Variants in SNX19 observed in about 807,000 individuals in gnomAD.
SNX19 encodes sorting nexin-19.
Under a neutral mutation model 85.2 loss-of-function variants are expected in SNX19, and 60 were observed. The ratio of observed to expected loss-of-function variants is 0.70; its 90% CI spans 0.57 to 0.87. The LOEUF (loss-of-function observed/expected upper bound fraction) is 0.87, where lower values mean the gene tolerates loss of function less well. Ranked by LOEUF, SNX19 falls within the 40% of genes least tolerant of loss-of-function variation. The pLI is 0.00. For missense variants in SNX19, 1,201 were observed against 1,217.8 expected (o/e 0.99, Z 0.21); for synonymous variants, 520 against 470.0 (o/e 1.11, Z -1.38).
At chr11:130,887,535 A>G (rs904910323) in intron 8 of SNX19, among the ~76,000 whole-genome samples, 13 of 152,170 alleles carry the variant, frequency 8.5e-5, no homozygotes, top group African/African-American at 3.1e-4. Context: ...CTGCTACCCA[A>G]TTAGCAATGT....
chr11:130,910,021 G>A lies in SNX19; in HGVS notation c.2031C>T (p.Asp677=). 3.1e-6 allele frequency: 5 copies of A among 1,613,116 alleles called. No individual in the cohort carries two copies. Among genetic ancestry groups the A allele is most frequent in the Non-Finnish European group, 4.2e-6 (5 of 1,180,020 alleles). Residue 677 remains aspartate, a synonymous_variant, in exon 4 of 11, where the codon GAC becomes GAT. Coordinates refer to ENST00000265909, the MANE Select transcript of SNX19 (RefSeq NM_014758.3). The part of the protein sequence containing the change: ...VKKPFMVSRI[D]KMVVSAIVDT... The stretch of plus-strand genomic sequence containing the variant: ...AGCACAGTGGCCCTGCTGGTACCTT[G>A]TCTATTCTAGAGACCATAAATGGTT...
At chr11:130,911,825 A>T (rs892909835) in intron 1 of SNX19, 54 bp from the exon 2 acceptor site, 11 of 1,584,054 alleles carry the variant, frequency 6.9e-6, no homozygotes, top group Non-Finnish European at 9.5e-6. Flanking sequence ...GCAATCTTCT[A>T]TTCTGGCTTT....
intron 4 of SNX19, among the ~76,000 whole-genome samples, chr11:130,908,525 T>G (rs1190697627): frequency 6.6e-6 from 1 of 152,088 alleles, no homozygotes; most frequent in African/African-American, 2.4e-5. Context: ...TGATCAAAAA[T>G]AAAAATAACA....
In SNX19 at chr11:130,915,876, T is replaced by A. The variant is rs753568147; in HGVS notation, c.64A>T (p.Asn22Tyr). The A allele has an allele frequency of 6.2e-7, 1 of 1,614,196 alleles. No individual in the cohort carries two copies. Among genetic ancestry groups the A allele is most frequent in the Non-Finnish European group, 8.5e-7 (1 of 1,180,024 alleles). The change falls in exon 1 of 11, where the codon AAC becomes TAC. Residue 22 changes from asparagine to tyrosine, a missense_variant. Asn to Tyr is a moderately radical substitution (Grantham distance 143, BLOSUM62 -2). Coordinates refer to ENST00000265909, the MANE Select transcript of SNX19 (RefSeq NM_014758.3). ...TPAGSSCHLNNLLSSRKLMAV... is the reference protein window; with the variant it reads ...TPAGSSCHLNYLLSSRKLMAV... ...ATCAGCTTCCGGCTACTCAACAGGT[T>A]ATTGAGGTGACAGCTCGATCCAGCT...
At chr11:130,886,089 T>C (rs1045174068) in intron 8 of SNX19, among the ~76,000 whole-genome samples, 2 of 152,208 alleles carry the variant, frequency 1.3e-5, no homozygotes, top group Admixed American at 6.5e-5. Context: ...CAGTTGAGAA[T>C]TACTGCCTTA....
In SNX19 at chr11:130,877,109, G is replaced by A. The variant is rs1175749798; in HGVS notation, c.*1313C>T. 1 of 152,248 alleles carries A rather than the reference G, an allele frequency of 6.6e-6. No individual in the cohort carries two copies. Among genetic ancestry groups the A allele is most frequent in the Non-Finnish European group, 1.5e-5 (1 of 68,046 alleles). The allele number at this position is 152,248 out of a possible 1,614,324, so 9.4% of individuals were successfully genotyped here. A position where few individuals can be genotyped will look rare whatever the true frequency, so the allele number is the denominator to read the frequency against. On this transcript the variant is annotated 3_prime_UTR_variant, in exon 11 of 11. Coordinates refer to ENST00000265909, the MANE Select transcript of SNX19 (RefSeq NM_014758.3). The stretch of plus-strand genomic sequence containing the variant: ...CTCCAAGACCTTCCTCCGAGTGGTA[G>A]GCTCTGGTAATTCAGCGAAAGCAAG...
chr11:130,891,655 G>A (rs1944503849), intron 8 of SNX19, among the ~76,000 whole-genome samples: 1 of 152,094 alleles, frequency 6.6e-6, no homozygotes, highest in African/African-American at 2.4e-5. Flanking sequence ...AAGAGAGGAA[G>A]GTAGCAGAAT....
chr11:130,895,067 G>T (rs1944783621), intron 8 of SNX19: 2 of 985,428 alleles, frequency 2.0e-6, no homozygotes, highest in Non-Finnish European at 2.4e-6. Flanking sequence ...AAGAGGTGGA[G>T]AAAGTACAAC....
At position 130,915,098 on chromosome 11, in the gene SNX19, G is replaced by A. The variant is rs431825173; in HGVS notation, c.842C>T (p.Ala281Val). Residue 281 changes from alanine (A) to valine (V), a missense_variant, in exon 1 of 11, where the codon GCC (alanine) becomes GTC (valine). Transcript: ENST00000265909. ...ARDPAPCPAS[A>V]PEQPSVPTSL... ...TGTCGGCACTGAGGGCTGTTCGGGGGCACTGGCTGGGCAGGGTGCTGGATC... is the reference window on the plus strand; with the variant it reads ...TGTCGGCACTGAGGGCTGTTCGGGGACACTGGCTGGGCAGGGTGCTGGATC... 121 of 1,613,892 alleles carry A rather than the reference G, an allele frequency of 7.5e-5. No individual in the cohort carries two copies. The East Asian group carries it at 2.7e-3, about 35-fold the overall frequency.
At chr11:130,882,064 A>C (rs913440865) in intron 8 of SNX19, among the ~76,000 whole-genome samples, 2 of 152,182 alleles carry the variant, frequency 1.3e-5, no homozygotes, top group African/African-American at 4.8e-5. Flanking sequence ...ATGAGTCAAA[A>C]ATGAGGGGGA....
intron 9 of SNX19, 116 bp from the exon 10 acceptor site, chr11:130,879,827 C>A: frequency 1.3e-6 from 1 of 782,830 alleles, no homozygotes; most frequent in Non-Finnish European, 2.1e-6. Flanking sequence ...TTCAGGCCTA[C>A]CTCTAAACCA....
chr11:130,915,584 C>T lies in SNX19; in HGVS notation c.356G>A (p.Arg119His), dbSNP rs780350420. The T allele has an allele frequency of 4.3e-6, 7 of 1,614,212 alleles. No individual in the cohort carries two copies. Among genetic ancestry groups the T allele is most frequent in the East Asian group, 2.2e-5 (1 of 44,878 alleles). Residue 119 changes from arginine to histidine, a missense_variant, in exon 1 of 11, where the codon CGT (arginine) becomes CAT (histidine). By Grantham distance (29) the Arg-to-His change is conservative (BLOSUM62 0). This residue lies in a region of SNX19 where 791 missense variants were observed against 750.9 expected (regional missense o/e 1.05). Coordinates refer to ENST00000265909, the MANE Select transcript of SNX19 (RefSeq NM_014758.3). ...IIRDFVLSWYRSVSQEPAFEE... is the reference protein window; with the variant it reads ...IIRDFVLSWYHSVSQEPAFEE... ...AAAGGCTGGCTCCTGGCTCACGGAA[C>T]GGTACCAAGATAACACAAAATCTCG...
At chr11:130,896,257 C>G (rs189644349) in intron 8 of SNX19, among the ~76,000 whole-genome samples, 1 of 152,246 alleles carries the variant, frequency 6.6e-6, no homozygotes, top group East Asian at 1.9e-4. Context: ...AAAAGTTACA[C>G]AGCAAAGGAA....
At chr11:130,888,592 C>A (rs561392349) in intron 8 of SNX19, among the ~76,000 whole-genome samples, 1 of 152,184 alleles carries the variant, frequency 6.6e-6, no homozygotes, top group Non-Finnish European at 1.5e-5. Flanking sequence ...TTCCCCATTG[C>A]CCTTCCCAAA....
At chr11:130,895,704 T>G (rs991555873) in intron 8 of SNX19, among the ~76,000 whole-genome samples, 1 of 152,186 alleles carries the variant, frequency 6.6e-6, no homozygotes, top group Non-Finnish European at 1.5e-5. Flanking sequence ...TATATGAGAC[T>G]TCAAGAGCAC....
At chr11:130,903,415 C>A in intron 7 of SNX19, 31 bp from the exon 8 acceptor site, 1 of 1,605,898 alleles carries the variant, frequency 6.2e-7, no homozygotes, top group Non-Finnish European at 8.5e-7. Flanking sequence ...AGGAGTAACT[C>A]AGAAGAGACC....
intron 8 of SNX19, among the ~76,000 whole-genome samples, chr11:130,893,519 C>T (rs1320046416): frequency 6.6e-6 from 1 of 152,038 alleles, no homozygotes; most frequent in Non-Finnish European, 1.5e-5. Flanking sequence ...TGTAGAAGAG[C>T]TACCCAAAAG....
chr11:130,886,428 A>G (rs1302534590), intron 8 of SNX19, among the ~76,000 whole-genome samples: 1 of 152,178 alleles, frequency 6.6e-6, no homozygotes, highest in Non-Finnish European at 1.5e-5. Flanking sequence ...AAAAACACTC[A>G]TGCAGTGTCA....
At chr11:130,912,454 T>C (rs77584878) in intron 1 of SNX19, among the ~76,000 whole-genome samples, 2,376 of 152,322 alleles carry the variant, frequency 0.016, 60 homozygotes, top group African/African-American at 0.055. Context: ...AAAGAGTGAA[T>C]ACCACGGATG....
Sources: gnomAD v4.1 joint callset for allele counts (sites outside exome capture counted in the v4.1 genomes callset) on GRCh38, gnomAD v4.1.1 for gene constraint, gnomAD v4.1.1 regional missense constraint, MANE v1.5 for transcripts, NCBI Gene and HGNC (gene_info 2026-07-23, HGNC 2026-07-21) for gene names.